Variants in ADGRE3 observed in about 807,000 individuals in gnomAD.
The protein encoded by ADGRE3 is EGF-like module receptor 3.
ADGRE3 carries 88 observed loss-of-function variants against 80.1 expected under a neutral mutation model. The ratio of observed to expected loss-of-function variants is 1.10; its 90% confidence interval spans 0.93 to 1.31. The LOEUF (loss-of-function observed/expected upper bound fraction) is 1.31, where lower values mean the gene tolerates loss of function less well. Among genes scored for constraint, ADGRE3 ranks in the 40% most tolerant of loss-of-function variants. ADGRE3 has a pLI of 0.00. For synonymous variants in ADGRE3, 281 were observed against 294.8 expected (o/e 0.95, Z 0.48); for missense variants, 715 against 776.5 (o/e 0.92, Z 0.94).
chr19:14,630,105 G>T lies in ADGRE3; in HGVS notation c.1746C>A (p.Leu582=). 1.2e-6 allele frequency: 2 copies of T among 1,613,000 alleles called. No homozygotes were observed. The highest frequency in any genetic ancestry group is 1.7e-4 in the Middle Eastern group (1 of 6,052). ...VGPAAQVMAY[L]FTIINSLQGF... ...CTTGGAGGCTGTTGATGATGGTGAA[G>T]AGGTAGGCCATGACCTGGGCAGCTG... Residue 582 remains leucine (L), a synonymous_variant, in exon 14 of 16, where the codon CTC becomes CTA. Coordinates refer to ENST00000253673, the MANE Select transcript of ADGRE3 (RefSeq NM_032571.5).
At chr19:14,651,371 G>A (rs112869013) in intron 6 of ADGRE3, among the ~76,000 whole-genome samples, 167 bp from the exon 7 acceptor site, 113 of 152,020 alleles carry the variant, frequency 7.4e-4, no homozygotes, top group African/African-American at 2.7e-3. Context: ...ACAGTGAGAT[G>A]CTGCCTCTAA....
the ADGRE3 span, among the ~76,000 whole-genome samples, chr19:14,601,068 A>G: frequency 6.6e-6 from 1 of 151,416 alleles, no homozygotes; most frequent in Non-Finnish European, 1.5e-5. Context: ...ACGCCTGGCT[A>G]ACTTTTGTAT....
At chr19:14,643,391 G>T (rs1374545113) in intron 9 of ADGRE3, among the ~76,000 whole-genome samples, 2 of 151,880 alleles carry the variant, frequency 1.3e-5, no homozygotes, top group Non-Finnish European at 2.9e-5. Context: ...TGATCTGCCT[G>T]CCTCGGCCTC....
In ADGRE3 at chr19:14,654,969, A is replaced by G. The variant is rs768813856; in HGVS notation, c.577+13T>C. Reference sequence around the variant, plus strand: ...CAGTCCCCAGGGTGTATCAGTCCTCATTATTGTCTTACCTACACTATCGTT... The same window carrying G: ...CAGTCCCCAGGGTGTATCAGTCCTCGTTATTGTCTTACCTACACTATCGTT... On this transcript the variant is annotated intron_variant, in intron 6 of 15. Transcript: ENST00000253673. 10 of 1,611,354 alleles carry G rather than the reference A, an allele frequency of 6.2e-6. No individual in the cohort carries two copies. The South Asian group carries it at 8.8e-5, about 14-fold the overall frequency.
intron 15 of ADGRE3, among the ~76,000 whole-genome samples, chr19:14,620,012 C>T (rs1366618229): frequency 6.6e-6 from 1 of 152,104 alleles, no homozygotes; most frequent in Non-Finnish European, 1.5e-5. Flanking sequence ...ATTTATGGTT[C>T]ATTCATAGAA....
Position 14,630,286 on chromosome 19 carries a change from G to A in ADGRE3, c.1644-79C>T, listed in dbSNP as rs567298948. 3.5e-5 allele frequency: 42 copies of A among 1,213,750 alleles called. No individual in the cohort carries two copies. The South Asian group carries it at 9.2e-4, about 27-fold the overall frequency. The allele number at this position is 1,213,750 out of a possible 1,614,324, so 75.2% of individuals were successfully genotyped here. A position where few individuals can be genotyped will look rare whatever the true frequency, so the allele number is the denominator to read the frequency against. Reference sequence around the variant, plus strand: ...ACACCCCTCTAGTTAGCTGTTAATAGTAAGAACTCTGGAGCTAGACTACCT... The same window carrying A: ...ACACCCCTCTAGTTAGCTGTTAATAATAAGAACTCTGGAGCTAGACTACCT... On this transcript the variant is annotated intron_variant, in intron 13 of 15. Transcript: ENST00000253673.
intron 7 of ADGRE3, among the ~76,000 whole-genome samples, chr19:14,650,629 A>ATCTCTCTCTC (rs376333448): frequency 4.0e-5 from 1 of 24,910 alleles, no homozygotes; most frequent in Non-Finnish European, 7.2e-5. Context: ...CTCTGTCTCC[A>ATCTCTCTCTC]TCTCTCTCTC....
chr19:14,658,604 AG>A, intron 4 of ADGRE3, 54 bp from the exon 5 acceptor site: 1 of 1,382,198 alleles, frequency 7.2e-7, no homozygotes, highest in Non-Finnish European at 9.8e-7. Flanking sequence ...GACCAGGCAG[AG>A]GGGTGGGCAG....
chr19:14,623,245 C>A, intron 15 of ADGRE3, among the ~76,000 whole-genome samples: 1 of 67,884 alleles, frequency 1.5e-5, no homozygotes, highest in Non-Finnish European at 2.9e-5. Flanking sequence ...TTTTACAGTG[C>A]TATTTACTGA....
intron 14 of ADGRE3, chr19:14,628,629 T>C: frequency 3.2e-6 from 1 of 311,748 alleles, no homozygotes; most frequent in Non-Finnish European, 6.2e-6. Context: ...TAACCTGCAG[T>C]ACAGTGAAGT....
chr19:14,634,044 T>C (rs1970964908), intron 11 of ADGRE3, among the ~76,000 whole-genome samples: 1 of 152,016 alleles, frequency 6.6e-6, no homozygotes, highest in Admixed American at 6.5e-5. Context: ...CCCAAAGTGC[T>C]GGGATTACAG....
At chr19:14,610,438 T>C in the ADGRE3 span, 24 of 533,518 alleles carry the variant, frequency 4.5e-5, 1 homozygote, top group East Asian at 6.8e-4. Context: ...TGGTGGGAGG[T>C]CTCCCACTTC....
rs1371294340 is a variant in ADGRE3 at position 14,623,210 on chromosome 19, G to C, written c.1920+2282C>G. Among the ~76,000 whole-genome samples the C allele has an allele frequency of 1.1e-4, 4 of 36,636 alleles. 1 individual carries two copies. The highest frequency in any genetic ancestry group is 2.2e-4 in the Non-Finnish European group (4 of 18,092). The allele number at this position is 36,636 out of a possible 152,430, so 24.0% of individuals were successfully genotyped here. Reference sequence around the variant, plus strand: ...CACACTAGTCACATTCTTGTTTTAAGTGCCTTTAGTTTTAACAGTTCACTT... The same window carrying C: ...CACACTAGTCACATTCTTGTTTTAACTGCCTTTAGTTTTAACAGTTCACTT... On this transcript the variant is annotated intron_variant, in intron 15 of 15. Coordinates refer to ENST00000253673, the MANE Select transcript of ADGRE3 (RefSeq NM_032571.5).
At chr19:14,619,535 A>G in intron 15 of ADGRE3, 64 bp from the exon 16 acceptor site, 1 of 1,290,778 alleles carries the variant, frequency 7.7e-7, no homozygotes, top group East Asian at 2.3e-5. Flanking sequence ...GACAAAATCA[A>G]CAACATGGAA....
At chr19:14,674,496 CA>C (rs200545403) in intron 1 of ADGRE3, among the ~76,000 whole-genome samples, 4,742 of 151,582 alleles carry the variant, frequency 0.031, 234 homozygotes, top group African/African-American at 0.11. Flanking sequence ...GATTCTGTCT[CA>C]AAAAACAAAA....
intron 11 of ADGRE3, among the ~76,000 whole-genome samples, chr19:14,637,509 T>C (rs895222760): frequency 1.3e-5 from 2 of 151,378 alleles, no homozygotes; most frequent in African/African-American, 4.9e-5. Context: ...TCCTTCCATC[T>C]CAGCTTCTTG....
rs1005125594 is a variant in ADGRE3 at position 14,671,150 on chromosome 19, T to A, written c.26-2298A>T. On this transcript the variant is annotated intron_variant, in intron 1 of 15. Coordinates refer to ENST00000253673, the MANE Select transcript of ADGRE3 (RefSeq NM_032571.5). Reference sequence around the variant, plus strand: ...TGGCAGCAATCTAAATCCTTCTGGATCTCTCTCTTGAGTTTCCAATTGCTG... The same window carrying A: ...TGGCAGCAATCTAAATCCTTCTGGAACTCTCTCTTGAGTTTCCAATTGCTG... Among the ~76,000 whole-genome samples, 5 of 152,140 alleles carry A rather than the reference T, an allele frequency of 3.3e-5. No individual in the cohort carries two copies. The East Asian group carries it at 7.7e-4, about 23-fold the overall frequency.
chr19:14,616,198 A>G (rs1188588162), downstream of ADGRE3, among the ~76,000 whole-genome samples: 1 of 151,872 alleles, frequency 6.6e-6, no homozygotes, highest in African/African-American at 2.4e-5. Flanking sequence ...TCTCCACGTG[A>G]ACTCCTCGTG....
chr19:14,650,132 C>T (rs1052782695), intron 7 of ADGRE3, among the ~76,000 whole-genome samples: 4 of 147,502 alleles, frequency 2.7e-5, no homozygotes, highest in African/African-American at 7.5e-5. Flanking sequence ...CTCTTTCCAT[C>T]TCTCTCTACT....
Sources: gnomAD v4.1 joint callset for allele counts (sites outside exome capture counted in the v4.1 genomes callset) on GRCh38, gnomAD v4.1.1 for gene constraint, MANE v1.5 for transcripts, NCBI Gene and HGNC (gene_info 2026-07-23, HGNC 2026-07-21) for gene names.